The following BMPR1B variants were observed in gnomAD, a reference collection of about 807,000 sequenced individuals.
BMPR1B encodes the protein bone morphogenetic protein receptor type 1B.
Under a neutral mutation model 59.1 loss-of-function variants are expected in BMPR1B, and 12 were observed. The ratio of observed to expected loss-of-function variants is 0.20; its 90% CI spans 0.13 to 0.33. The LOEUF (loss-of-function observed/expected upper bound fraction) is 0.33, where lower values mean the gene tolerates loss of function less well. BMPR1B is among the 10% of genes least tolerant of loss of function. The pLI is 1.00. For synonymous variants in BMPR1B, 237 were observed against 207.3 expected (o/e 1.14, Z -1.23); for missense variants, 550 against 610.9 (o/e 0.90, Z 1.05).
intron 1 of BMPR1B, among the ~76,000 whole-genome samples, chr4:94,803,003 A>T (rs535539997): frequency 6.6e-6 from 1 of 152,106 alleles, no homozygotes. Context: ...TCTCTGGGGC[A>T]TCGTTTCTTG....
In BMPR1B at chr4:95,000,412, A is replaced by C. The variant is rs1227831105; in HGVS notation, c.-18+4278A>C. Among the ~76,000 whole-genome samples the C allele has an allele frequency of 5.3e-5, 8 of 152,202 alleles. No homozygotes were observed. The East Asian group carries it at 1.4e-3, about 26-fold the overall frequency. ...AATATGTGGAGTGGGGAGGCTGAGC[A>C]GGAGAATTGCTTGAATCCAGGAGGC... is the stretch of plus-strand genomic sequence containing the variant. On this transcript the variant is annotated intron_variant, in intron 3 of 12. Coordinates refer to ENST00000515059, the MANE Select transcript of BMPR1B (RefSeq NM_001203.3).
intron 2 of BMPR1B, among the ~76,000 whole-genome samples, chr4:94,949,976 C>T (rs529355967): frequency 1.3e-5 from 2 of 152,228 alleles, no homozygotes; most frequent in East Asian, 1.9e-4. Flanking sequence ...TTTTAATGAT[C>T]GCCATTCTAA....
intron 2 of BMPR1B, among the ~76,000 whole-genome samples, chr4:94,885,422 A>G (rs1172673748): frequency 6.6e-6 from 1 of 152,234 alleles, no homozygotes; most frequent in Non-Finnish European, 1.5e-5. Flanking sequence ...GAATTTGCAT[A>G]GAATGGTAGA....
chr4:94,882,978 A>ATGTG (rs112253431), intron 2 of BMPR1B, among the ~76,000 whole-genome samples: 41,701 of 144,292 alleles, frequency 0.29, 6,161 homozygotes, highest in Non-Finnish European at 0.35. Flanking sequence ...GTGTGTGTGT[A>ATGTG]TGTGTGTGTG....
At chr4:94,856,382 G>A (rs1725756214) in intron 1 of BMPR1B, among the ~76,000 whole-genome samples, 1 of 152,146 alleles carries the variant, frequency 6.6e-6, no homozygotes, top group Non-Finnish European at 1.5e-5. Context: ...CAGCCAGCTA[G>A]CAGCGTAAGT....
intron 1 of BMPR1B, among the ~76,000 whole-genome samples, chr4:94,772,896 A>C (rs1722235262): frequency 6.6e-6 from 1 of 152,128 alleles, no homozygotes; most frequent in South Asian, 2.1e-4. Context: ...AAATCATTGA[A>C]TGACCCTTCA....
chr4:94,832,671 T>C (rs543497485), intron 1 of BMPR1B, among the ~76,000 whole-genome samples: 1 of 152,176 alleles, frequency 6.6e-6, no homozygotes, highest in Admixed American at 6.5e-5. Flanking sequence ...TAATCCCAGC[T>C]ACTCAGGAGG....
At chr4:94,938,119 T>A (rs1300035843) in intron 2 of BMPR1B, among the ~76,000 whole-genome samples, 1 of 152,184 alleles carries the variant, frequency 6.6e-6, no homozygotes, top group African/African-American at 2.4e-5. Context: ...AGGGAACTCA[T>A]GGCCATGTTG....
chr4:94,871,719 G>T (rs1233699811), intron 1 of BMPR1B, among the ~76,000 whole-genome samples: 1 of 152,024 alleles, frequency 6.6e-6, no homozygotes, highest in Non-Finnish European at 1.5e-5. Context: ...TACAGAAAAG[G>T]TTTGATTGCT....
At chr4:94,884,540 G>A (rs1727099903) in intron 2 of BMPR1B, among the ~76,000 whole-genome samples, 1 of 151,846 alleles carries the variant, frequency 6.6e-6, no homozygotes, top group African/African-American at 2.4e-5. Flanking sequence ...AAAACAAAAA[G>A]CTGACCTCAA....
intron 1 of BMPR1B, among the ~76,000 whole-genome samples, chr4:94,850,087 C>G (rs1725510202): frequency 6.6e-6 from 1 of 152,174 alleles, no homozygotes; most frequent in Middle Eastern, 3.4e-3. Flanking sequence ...ACATGGGGCT[C>G]TTGTGTGCAG....
In BMPR1B at chr4:94,769,424, A is replaced by G. The variant is rs372598526; in HGVS notation, c.-183+11356A>G. On this transcript the variant is annotated intron_variant, in intron 1 of 12. Coordinates refer to ENST00000515059, the MANE Select transcript of BMPR1B (RefSeq NM_001203.3). ...TCAGGAGTTCGAGACCAGCCTGACC[A>G]ACATGGTGAAACCCTGTCTCTACTA... 9.8e-5 allele frequency among the ~76,000 whole-genome samples: 15 copies of G among 152,292 alleles called. No homozygotes were observed. The South Asian group carries it at 1.9e-3, about 19-fold the overall frequency.
intron 1 of BMPR1B, among the ~76,000 whole-genome samples, chr4:94,814,228 A>G (rs1373257600): frequency 6.6e-6 from 1 of 152,206 alleles, no homozygotes; most frequent in East Asian, 1.9e-4. Flanking sequence ...TTTTATTCAT[A>G]TTATCTCAAA....
chr4:95,005,715 A>T, intron 3 of BMPR1B, among the ~76,000 whole-genome samples: 1 of 149,780 alleles, frequency 6.7e-6, no homozygotes, highest in East Asian at 2.0e-4. Context: ...TTGTTAACTG[A>T]TTTTTTTTTT....
chr4:94,770,180 G>GGTTTTTTTTTTTTTTTTTTTT (rs771544268), intron 1 of BMPR1B, among the ~76,000 whole-genome samples: 3 of 106,252 alleles, frequency 2.8e-5, no homozygotes, highest in African/African-American at 8.3e-5. Context: ...CTTCGTTTCT[G>GGTTTTTTTTTTTTTTTTTTTT]TGTTTGTTTT....
At chr4:94,835,390 A>G (rs17500448) in intron 1 of BMPR1B, among the ~76,000 whole-genome samples, 18,365 of 152,060 alleles carry the variant, frequency 0.12, 1,166 homozygotes, top group Non-Finnish European at 0.13. Flanking sequence ...TTTTTTGGCA[A>G]CAGTGTGCAC....
At chr4:94,798,844 G>T (rs1486226151) in intron 1 of BMPR1B, among the ~76,000 whole-genome samples, 1 of 151,682 alleles carries the variant, frequency 6.6e-6, no homozygotes, top group Non-Finnish European at 1.5e-5. Flanking sequence ...TCCCTTCCCC[G>T]CAGTGTTTTC....
At chr4:94,816,894 T>C (rs1221359213) in intron 1 of BMPR1B, among the ~76,000 whole-genome samples, 1 of 152,192 alleles carries the variant, frequency 6.6e-6, no homozygotes, top group East Asian at 1.9e-4. Context: ...ATGGTCTGAA[T>C]GTGGCCCCCA....
At chr4:94,999,718 C>T (rs952016389) in intron 3 of BMPR1B, among the ~76,000 whole-genome samples, 5 of 152,114 alleles carry the variant, frequency 3.3e-5, no homozygotes, top group African/African-American at 1.2e-4. Flanking sequence ...ATAGGTCCAT[C>T]CTCATGTAGC....
Sources: gnomAD v4.1 joint callset for allele counts (sites outside exome capture counted in the v4.1 genomes callset) on GRCh38, gnomAD v4.1.1 for gene constraint, MANE v1.5 for transcripts, NCBI Gene and HGNC (gene_info 2026-07-23, HGNC 2026-07-21) for gene names.